FAM227B: variants seen among roughly 807,000 people sequenced by gnomAD.
FAM227B encodes family with sequence similarity 227 member B.
Under a neutral mutation model 73.8 loss-of-function variants are expected in FAM227B, and 88 were observed. The observed-to-expected ratio is 1.19, with a 90% confidence interval of 1.00 to 1.42. FAM227B has a LOEUF of 1.42. Ranked by LOEUF, FAM227B falls within the 40% of genes most tolerant of loss-of-function variation. FAM227B has a pLI of 0.00. For synonymous variants in FAM227B, 210 were observed against 190.5 expected (o/e 1.10, Z -0.84); for missense variants, 632 against 590.9 (o/e 1.07, Z -0.72).
chr15:49,606,524 G>A (rs73406008), intron 3 of FAM227B, among the ~76,000 whole-genome samples: 2 of 151,952 alleles, frequency 1.3e-5, no homozygotes, highest in South Asian at 2.1e-4. Flanking sequence ...CTCTAATATC[G>A]CATGTTAGGT....
chr15:49,600,389 C>T (rs1238127095), intron 3 of FAM227B, among the ~76,000 whole-genome samples: 1 of 149,394 alleles, frequency 6.7e-6, no homozygotes, highest in Non-Finnish European at 1.5e-5. Flanking sequence ...CATGGTGGCT[C>T]ATGCCTGTAA....
chr15:49,549,890 G>T (rs1459799657), intron 9 of FAM227B, among the ~76,000 whole-genome samples: 1 of 124,224 alleles, frequency 8.0e-6, no homozygotes, highest in African/African-American at 2.6e-5. Flanking sequence ...TTCCCAGACG[G>T]GGTGGTTGGC....
At chr15:49,338,825 C>A (rs1046757815) in intron 13 of FAM227B, among the ~76,000 whole-genome samples, 20 of 152,110 alleles carry the variant, frequency 1.3e-4, no homozygotes, top group African/African-American at 4.8e-4. Context: ...TTGTTCGTTT[C>A]TTTTCATTCT....
intron 10 of FAM227B, among the ~76,000 whole-genome samples, chr15:49,531,863 C>T (rs904630475): frequency 3.3e-5 from 5 of 151,526 alleles, no homozygotes; most frequent in African/African-American, 1.2e-4. Flanking sequence ...TAATTTGTGG[C>T]CATTATTGTA....
intron 13 of FAM227B, 51 bp from the exon 14 acceptor site, chr15:49,335,547 G>A (rs1010604328): frequency 2.2e-6 from 3 of 1,392,332 alleles, no homozygotes; most frequent in Non-Finnish European, 3.1e-6. Flanking sequence ...CATTTGGGAA[G>A]TAAACAGTAC....
intron 11 of FAM227B, among the ~76,000 whole-genome samples, chr15:49,447,683 G>T (rs1243345985): frequency 6.6e-6 from 1 of 151,608 alleles, no homozygotes; most frequent in Non-Finnish European, 1.5e-5. Flanking sequence ...GATGATTTGG[G>T]TAAAACATGC....
intron 11 of FAM227B, among the ~76,000 whole-genome samples, chr15:49,414,220 T>C (rs73398264): frequency 0.22 from 32,930 of 152,108 alleles, 3,903 homozygotes; most frequent in South Asian, 0.33. Flanking sequence ...AAACTCAATA[T>C]GTAAAATTTC....
At chr15:49,610,329 A>G (rs1334828436) in intron 3 of FAM227B, among the ~76,000 whole-genome samples, 1 of 151,752 alleles carries the variant, frequency 6.6e-6, no homozygotes, top group Non-Finnish European at 1.5e-5. Context: ...AAAGTATTTC[A>G]ACATACTTAG....
intron 11 of FAM227B, among the ~76,000 whole-genome samples, chr15:49,395,610 G>C (rs538112905): frequency 6.6e-6 from 1 of 152,182 alleles, no homozygotes; most frequent in Non-Finnish European, 1.5e-5. Flanking sequence ...ATTTAAAGCA[G>C]CATCACATAC....
chr15:49,394,684 T>A (rs371400889), intron 11 of FAM227B, among the ~76,000 whole-genome samples: 1 of 151,874 alleles, frequency 6.6e-6, no homozygotes, highest in African/African-American at 2.4e-5. Context: ...TGCAAAAGAG[T>A]TGAAGGTGAG....
At chr15:49,364,489 T>C (rs749572314) in intron 13 of FAM227B, among the ~76,000 whole-genome samples, 5 of 152,186 alleles carry the variant, frequency 3.3e-5, no homozygotes, top group African/African-American at 4.8e-5. Context: ...TTTATTTCTA[T>C]ATATTATGTT....
At chr15:49,419,675 C>T (rs1234121861) in intron 11 of FAM227B, among the ~76,000 whole-genome samples, 1 of 152,162 alleles carries the variant, frequency 6.6e-6, no homozygotes, top group Non-Finnish European at 1.5e-5. Flanking sequence ...ATCCTGCCTG[C>T]CTCTCCAACC....
chr15:49,574,909 A>G lies in FAM227B; in HGVS notation c.645+102T>C, dbSNP rs1330794900. The G allele has an allele frequency of 1.2e-5, 7 of 608,518 alleles. No homozygotes were observed. The East Asian group carries it at 2.1e-4, about 18-fold the overall frequency. 37.7% of individuals were successfully genotyped at this position (608,518 alleles called of 1,614,324 possible). ...GGAATGCTCAAAAACTAATCTCTGT[A>G]GTTGCATCCAGAAAAACATTTTTGT... On this transcript the variant is annotated intron_variant, in intron 8 of 15. Coordinates refer to ENST00000299338, the MANE Select transcript of FAM227B (RefSeq NM_152647.3).
intron 11 of FAM227B, among the ~76,000 whole-genome samples, chr15:49,410,331 G>A (rs1046749160): frequency 2.0e-5 from 3 of 152,120 alleles, no homozygotes; most frequent in East Asian, 1.9e-4. Flanking sequence ...CATAGGCCAC[G>A]TTGTTTCATG....
At chr15:49,348,019 CAAAAAAAAAAA>C in intron 13 of FAM227B, among the ~76,000 whole-genome samples, 1 of 70,092 alleles carries the variant, frequency 1.4e-5, no homozygotes, top group South Asian at 5.9e-4. Flanking sequence ...AACTCTGTCT[CAAAAAAAAAAA>C]AAAAAAAAAA....
chr15:49,493,308 A>C (rs572454555), intron 11 of FAM227B, among the ~76,000 whole-genome samples: 1 of 152,130 alleles, frequency 6.6e-6, no homozygotes, highest in South Asian at 2.1e-4. Context: ...AAAATTCTTT[A>C]AACTAGAAAT....
intron 11 of FAM227B, among the ~76,000 whole-genome samples, chr15:49,408,283 A>G (rs2048652658): frequency 6.6e-6 from 1 of 152,216 alleles, no homozygotes; most frequent in Non-Finnish European, 1.5e-5. Flanking sequence ...AGTGCTGCCT[A>G]ATGATATAAT....
intron 12 of FAM227B, among the ~76,000 whole-genome samples, chr15:49,368,565 A>C (rs753513002): frequency 6.6e-6 from 1 of 152,198 alleles, no homozygotes; most frequent in Non-Finnish European, 1.5e-5. Context: ...GTTAATGTCA[A>C]TATCAGACAT....
chr15:49,374,965 T>C (rs1348285986), intron 11 of FAM227B, among the ~76,000 whole-genome samples: 1 of 152,206 alleles, frequency 6.6e-6, no homozygotes, highest in African/African-American at 2.4e-5. Context: ...GGCCCAGTCA[T>C]TGGTTTGTAT....
Sources: gnomAD v4.1 joint callset for allele counts (sites outside exome capture counted in the v4.1 genomes callset) on GRCh38, gnomAD v4.1.1 for gene constraint, MANE v1.5 for transcripts, NCBI Gene and HGNC (gene_info 2026-07-23, HGNC 2026-07-21) for gene names.